The following SDCBP variants were observed in gnomAD, a reference collection of about 807,000 sequenced individuals.
The protein encoded by SDCBP is syntenin-1.
In SDCBP, 22 loss-of-function variants were observed where a neutral mutation model predicts 30.5. The observed-to-expected ratio is 0.72, with a 90% CI of 0.52 to 1.03. SDCBP has a LOEUF of 1.03. Among genes scored for constraint, SDCBP ranks in the 50% least tolerant of loss-of-function variants. The pLI, the probability that SDCBP is intolerant of heterozygous loss-of-function variation, is 0.00. For synonymous variants in SDCBP, 103 were observed against 118.7 expected (o/e 0.87, Z 0.86); for missense variants, 304 against 369.9 (o/e 0.82, Z 1.46).
Position 58,570,870 on chromosome 8 carries a change from C to CTT in SDCBP, c.52-16_52-15dup, listed in dbSNP as rs1804974018. 2.5e-6 allele frequency: 4 copies of CTT among 1,597,132 alleles called. No individual in the cohort carries two copies. Among genetic ancestry groups the CTT allele is most frequent in the African/African-American group, 1.3e-5 (1 of 74,554 alleles). On this transcript the variant is annotated splice_polypyrimidine_tract_variant and intron_variant, in intron 2 of 8. Transcript: ENST00000260130. ...AAGTATAGCATATTGTTAGAATTTT[C>CTT]TTCTTTTCTTTTTCAGGCTCAAACT...
intron 2 of SDCBP, among the ~76,000 whole-genome samples, chr8:58,566,517 T>C (rs1198876901): frequency 6.6e-6 from 1 of 152,172 alleles, no homozygotes. Flanking sequence ...GTGAATTACA[T>C]AGATATTTAC....
At chr8:58,580,392 A>G (rs569310824) in intron 7 of SDCBP, 125 bp from the exon 8 acceptor site, 1 of 597,358 alleles carries the variant, frequency 1.7e-6, no homozygotes, top group African/African-American at 1.9e-5. Context: ...ACTTGGTAAG[A>G]AATACTAGAA....
chr8:58,569,646 T>C (rs1004106404), intron 2 of SDCBP, among the ~76,000 whole-genome samples: 1 of 150,098 alleles, frequency 6.7e-6, no homozygotes, highest in Non-Finnish European at 1.5e-5. Flanking sequence ...TTTATAGTTC[T>C]TTTTTTTTTC....
At chr8:58,574,748 A>G (rs1399990472) in intron 4 of SDCBP, among the ~76,000 whole-genome samples, 1 of 152,186 alleles carries the variant, frequency 6.6e-6, no homozygotes, top group Non-Finnish European at 1.5e-5. Flanking sequence ...ATTCAACTGT[A>G]TATATCAATA....
At position 58,572,444 on chromosome 8, in the gene SDCBP, T is replaced by G. The variant is rs539089096; in HGVS notation, c.240+130T>G. The stretch of plus-strand genomic sequence containing the variant: ...ACCTCACTTCTCAGAAATTTTAGAC[T>G]TCCTTTTGGATATCATTTCTTATAT... On this transcript the variant is annotated intron_variant, in intron 4 of 8. Coordinates refer to ENST00000260130, the MANE Select transcript of SDCBP (RefSeq NM_005625.4). The G allele has an allele frequency of 8.3e-6, 5 of 605,832 alleles. No homozygotes were observed. The South Asian group carries it at 9.2e-5, about 11-fold the overall frequency. The allele number at this position is 605,832 out of a possible 1,614,324, so 37.5% of individuals were successfully genotyped here. A position where few individuals can be genotyped will look rare whatever the true frequency, so the allele number is the denominator to read the frequency against.
intron 2 of SDCBP, among the ~76,000 whole-genome samples, chr8:58,570,322 G>A (rs76134769): frequency 0.014 from 2,096 of 152,164 alleles, 58 homozygotes; most frequent in African/African-American, 0.049. Flanking sequence ...TGTCATCATC[G>A]ATTTATGTCA....
Position 58,561,682 on chromosome 8 carries a change from T to C in SDCBP, c.-15-3337T>C, listed in dbSNP as rs188790253. 4.2e-5 allele frequency: 26 copies of C among 622,420 alleles called. No homozygotes were observed. In the East Asian group the frequency reaches 5.1e-4, roughly 12 times the overall value. The allele number at this position is 622,420 out of a possible 1,614,324, so 38.6% of individuals were successfully genotyped here. A position where few individuals can be genotyped will look rare whatever the true frequency, so the allele number is the denominator to read the frequency against. On this transcript the variant is annotated intron_variant, in intron 1 of 8. Transcript: ENST00000260130. Reference sequence around the variant, plus strand: ...AGAGTTCATCACCACTATATCTGACTTAAACGCCAATGGGAGTCTGTTAAA... The same window carrying C: ...AGAGTTCATCACCACTATATCTGACCTAAACGCCAATGGGAGTCTGTTAAA...
intron 7 of SDCBP, 70 bp downstream of exon 7, chr8:58,579,864 G>A (rs749353713): frequency 8.4e-6 from 12 of 1,424,302 alleles, no homozygotes; most frequent in Non-Finnish European, 1.0e-5. Flanking sequence ...CTGTATTTAG[G>A]TGGCGCTGTT....
chr8:58,556,668 A>G (rs1205817728), intron 1 of SDCBP, among the ~76,000 whole-genome samples: 3 of 151,864 alleles, frequency 2.0e-5, no homozygotes, highest in Non-Finnish European at 2.9e-5. Flanking sequence ...GTGTCCAGAG[A>G]GCGAATAAAC....
At chr8:58,557,020 T>A (rs1017199605) in intron 1 of SDCBP, among the ~76,000 whole-genome samples, 11 of 134,152 alleles carry the variant, frequency 8.2e-5, no homozygotes, top group Non-Finnish European at 1.5e-4. Context: ...ATATCTTATA[T>A]ACTATATTAT....
chr8:58,580,438 C>T (rs1471244530), intron 7 of SDCBP, 79 bp from the exon 8 acceptor site: 8 of 743,362 alleles, frequency 1.1e-5, no homozygotes, highest in African/African-American at 1.8e-5. Flanking sequence ...TTTTGTATTT[C>T]TTTACCAAGA....
In SDCBP at chr8:58,570,892, A is replaced by G. The variant is rs747056959; in HGVS notation, c.57A>G (p.Gln19=). 40 of 1,612,652 alleles carry G rather than the reference A, an allele frequency of 2.5e-5. No homozygotes were observed. The highest frequency in any genetic ancestry group is 3.4e-5 in the Non-Finnish European group (40 of 1,178,994). Residue 19 remains glutamine (Q), a synonymous_variant, in exon 3 of 9, where the codon CAA becomes CAG. Transcript: ENST00000260130. ...DLKVDKVIQA[Q]TAFSANPANP... Reference sequence around the variant, plus strand: ...TTTCTTCTTTTCTTTTTCAGGCTCAAACTGCTTTTTCTGCAAACCCTGCCA... The same window carrying G: ...TTTCTTCTTTTCTTTTTCAGGCTCAGACTGCTTTTTCTGCAAACCCTGCCA...
intron 1 of SDCBP, among the ~76,000 whole-genome samples, chr8:58,558,775 C>T (rs899411959): frequency 3.3e-5 from 5 of 152,104 alleles, no homozygotes; most frequent in African/African-American, 4.8e-5. Flanking sequence ...TTGACCTATG[C>T]CTCAAGGCTA....
chr8:58,558,517 A>G (rs993949347), intron 1 of SDCBP, among the ~76,000 whole-genome samples: 1 of 152,188 alleles, frequency 6.6e-6, no homozygotes, highest in Non-Finnish European at 1.5e-5. Flanking sequence ...TCCTGGGCTC[A>G]AGTGATCCAC....
chr8:58,567,407 A>G (rs1369497122), intron 2 of SDCBP, among the ~76,000 whole-genome samples: 1 of 152,204 alleles, frequency 6.6e-6, no homozygotes. Context: ...GATTCACAAC[A>G]AAATTGATCA....
chr8:58,580,450 T>C (rs1805627755), intron 7 of SDCBP, 67 bp from the exon 8 acceptor site: 3 of 792,394 alleles, frequency 3.8e-6, no homozygotes, highest in Non-Finnish European at 6.5e-6. Flanking sequence ...TTACCAAGAC[T>C]GGCATAGTTT....
At chr8:58,553,336 G>A (rs764600965) in intron 1 of SDCBP, 33 bp downstream of exon 1, 2 of 153,180 alleles carry the variant, frequency 1.3e-5, no homozygotes, top group Non-Finnish European at 2.9e-5. Flanking sequence ...AGGGACGCCG[G>A]TGCCAGGTCC....
rs543436651 is a variant in SDCBP, at chr8:58,567,647, C to T, written c.51+2563C>T. The stretch of plus-strand genomic sequence containing the variant: ...AAGACGGATATGTTCTGAGAAATGC[C>T]TCATTAGACAGTTTTGTCGTGCAAA... On this transcript the variant is annotated intron_variant, in intron 2 of 8. Transcript: ENST00000260130. Among the ~76,000 whole-genome samples, 3 of 152,302 alleles carry T rather than the reference C, an allele frequency of 2.0e-5. No homozygotes were observed. The South Asian group carries it at 6.2e-4, about 32-fold the overall frequency.
At position 58,579,928 on chromosome 8, in the gene SDCBP, G is replaced by C. The variant is rs184554302; in HGVS notation, c.750+134G>C. On this transcript the variant is annotated intron_variant, in intron 7 of 8. Transcript: ENST00000260130. Reference sequence around the variant, plus strand: ...AACGTGGGGCCTGAACTCTTGGTCTGGCCAGTCACCGGAATTATTTGGGCT... The same window carrying C: ...AACGTGGGGCCTGAACTCTTGGTCTCGCCAGTCACCGGAATTATTTGGGCT... 29 of 726,362 alleles carry C rather than the reference G, an allele frequency of 4.0e-5. No homozygotes were observed. In the South Asian group the frequency reaches 5.1e-4, roughly 13 times the overall value. 45.0% of individuals were successfully genotyped at this position (726,362 alleles called of 1,614,324 possible). A position where few individuals can be genotyped will look rare whatever the true frequency, so the allele number is the denominator to read the frequency against.
Sources: gnomAD v4.1 joint callset for allele counts (sites outside exome capture counted in the v4.1 genomes callset) on GRCh38, gnomAD v4.1.1 for gene constraint, MANE v1.5 for transcripts, NCBI Gene and HGNC (gene_info 2026-07-23, HGNC 2026-07-21) for gene names.